The following MPHOSPH6 variants were observed in gnomAD, a reference collection of about 807,000 sequenced individuals.
MPHOSPH6 encodes the protein M-phase phosphoprotein 6.
In MPHOSPH6, 25 loss-of-function variants were observed where a neutral mutation model predicts 21.8. That is an observed-to-expected ratio of 1.15 (90% CI 0.83 to 1.60). MPHOSPH6 has a LOEUF of 1.60. MPHOSPH6 is among the 40% of genes most tolerant of loss of function. The pLI is 0.00. For synonymous variants in MPHOSPH6, 84 were observed against 56.5 expected (o/e 1.49, Z -2.18); for missense variants, 269 against 181.8 (o/e 1.48, Z -2.76).
chr16:82,166,391 C>G (rs1424016026), intron 1 of MPHOSPH6, among the ~76,000 whole-genome samples: 1 of 152,202 alleles, frequency 6.6e-6, no homozygotes. Flanking sequence ...CATTTTCTGC[C>G]TGGCAAAATA....
rs769103436 is a variant in MPHOSPH6 at position 82,170,140 on chromosome 16, A to T, written c.36T>A (p.Asn12Lys). 2 of 1,594,244 alleles carry T rather than the reference A, an allele frequency of 1.3e-6. No homozygotes were observed. The highest frequency in any genetic ancestry group is 2.2e-5 in the South Asian group (2 of 89,022). ...GTCCCCGCACCTTCATGCGCAGTAG[A>T]TTCTTGGACAACCTTGTCTTTCGCT... ...AAERKTRLSK[N>K]LLRMKFMQRG... Residue 12 changes from asparagine to lysine, a missense_variant, in exon 1 of 5, where the codon AAT (asparagine) becomes AAA (lysine). Coordinates refer to ENST00000258169, the MANE Select transcript of MPHOSPH6 (RefSeq NM_005792.2).
At chr16:82,162,753 T>C (rs1906646657) in intron 2 of MPHOSPH6, among the ~76,000 whole-genome samples, 1 of 152,188 alleles carries the variant, frequency 6.6e-6, no homozygotes, top group African/African-American at 2.4e-5. Flanking sequence ...TGAGCTGATA[T>C]ACACACCTAT....
At chr16:82,157,690 C>G (rs550108491) in intron 2 of MPHOSPH6, among the ~76,000 whole-genome samples, 1 of 152,112 alleles carries the variant, frequency 6.6e-6, no homozygotes, top group Non-Finnish European at 1.5e-5. Context: ...AGAGGAGAGG[C>G]GTCTTTTAAA....
intron 2 of MPHOSPH6, among the ~76,000 whole-genome samples, chr16:82,160,925 A>T (rs1567614605): frequency 6.6e-6 from 1 of 151,308 alleles, no homozygotes; most frequent in Non-Finnish European, 1.5e-5. Flanking sequence ...CATCTCACAT[A>T]AGAGGTGCCC....
intron 2 of MPHOSPH6, among the ~76,000 whole-genome samples, chr16:82,155,483 T>C (rs1356888848): frequency 6.6e-6 from 1 of 152,114 alleles, no homozygotes; most frequent in African/African-American, 2.4e-5. Context: ...ACGTACAACC[T>C]TCAATTTCTA....
intron 1 of MPHOSPH6, among the ~76,000 whole-genome samples, chr16:82,168,913 A>T (rs1396444482): frequency 6.6e-6 from 1 of 152,218 alleles, no homozygotes; most frequent in African/African-American, 2.4e-5. Context: ...ATAAAGAGCC[A>T]GGGTTCTGGA....
At position 82,170,135 on chromosome 16, in the gene MPHOSPH6, A is replaced by C. The variant is rs1362339295; in HGVS notation, c.41T>G (p.Leu14Arg). 6.3e-7 allele frequency: 1 copy of C among 1,593,606 alleles called. No individual in the cohort carries two copies. Among genetic ancestry groups the C allele is most frequent in the South Asian group, 1.1e-5 (1 of 88,962 alleles). The change falls in exon 1 of 5, where the codon CTG becomes CGG. Residue 14 changes from leucine to arginine, a missense_variant. Coordinates refer to ENST00000258169, the MANE Select transcript of MPHOSPH6 (RefSeq NM_005792.2). ...ERKTRLSKNL[L>R]RMKFMQRGLD... ...TCAGCGTCCCCGCACCTTCATGCGC[A>C]GTAGATTCTTGGACAACCTTGTCTT...
At chr16:82,159,111 G>GT (rs769807690) in intron 2 of MPHOSPH6, among the ~76,000 whole-genome samples, 1 of 152,194 alleles carries the variant, frequency 6.6e-6, no homozygotes, top group Non-Finnish European at 1.5e-5. Flanking sequence ...CTTTTCAACT[G>GT]TATCACCTGT....
At chr16:82,155,191 G>C (rs905241308) in intron 2 of MPHOSPH6, among the ~76,000 whole-genome samples, 1 of 152,160 alleles carries the variant, frequency 6.6e-6, no homozygotes, top group African/African-American at 2.4e-5. Context: ...GAGTATCTCT[G>C]ACCACTGATC....
At chr16:82,156,855 CAGG>C (rs1021278746) in intron 2 of MPHOSPH6, among the ~76,000 whole-genome samples, 3 of 152,122 alleles carry the variant, frequency 2.0e-5, no homozygotes, top group Non-Finnish European at 2.9e-5. Context: ...CACCTGAGAT[CAGG>C]AGTTCAAGAC....
At chr16:82,166,428 G>T (rs887657182) in intron 1 of MPHOSPH6, among the ~76,000 whole-genome samples, 3 of 152,154 alleles carry the variant, frequency 2.0e-5, no homozygotes. Flanking sequence ...TACAGTGTGT[G>T]TCCTTTGGTA....
At chr16:82,152,451 C>T (rs979381316) in intron 2 of MPHOSPH6, among the ~76,000 whole-genome samples, 2 of 152,198 alleles carry the variant, frequency 1.3e-5, no homozygotes, top group Admixed American at 1.3e-4. Flanking sequence ...TGTAAGAACA[C>T]TGTAGGCTCT....
At chr16:82,158,554 G>A (rs1906506644) in intron 2 of MPHOSPH6, among the ~76,000 whole-genome samples, 1 of 149,314 alleles carries the variant, frequency 6.7e-6, no homozygotes, top group African/African-American at 2.5e-5. Context: ...TAATCTAACT[G>A]CACTTGTGTG....
intron 1 of MPHOSPH6, among the ~76,000 whole-genome samples, chr16:82,168,823 T>A (rs545622329): frequency 9.2e-5 from 14 of 152,294 alleles, no homozygotes; most frequent in Admixed American, 8.5e-4. Context: ...AAATTCCACC[T>A]CTTTAAACAT....
intron 2 of MPHOSPH6, among the ~76,000 whole-genome samples, chr16:82,159,756 A>C (rs74249010): frequency 1.3e-5 from 2 of 151,674 alleles, no homozygotes; most frequent in African/African-American, 2.4e-5. Context: ...GAGTTCCAAA[A>C]CTCTGAGAAC....
At chr16:82,161,182 A>C (rs1567614695) in intron 2 of MPHOSPH6, among the ~76,000 whole-genome samples, 1 of 152,204 alleles carries the variant, frequency 6.6e-6, no homozygotes, top group Admixed American at 6.5e-5. Context: ...TTTGTGAAAT[A>C]AAAGTGTATA....
At chr16:82,161,044 T>C (rs1906591339) in intron 2 of MPHOSPH6, among the ~76,000 whole-genome samples, 1 of 152,200 alleles carries the variant, frequency 6.6e-6, no homozygotes, top group African/African-American at 2.4e-5. Context: ...TCTTCGTTCA[T>C]ACCCCTTGCT....
chr16:82,155,070 T>A (rs542831906), intron 2 of MPHOSPH6, among the ~76,000 whole-genome samples: 2 of 152,230 alleles, frequency 1.3e-5, no homozygotes, highest in Non-Finnish European at 2.9e-5. Flanking sequence ...CAAAAGTCAA[T>A]AGTTTTCAAC....
At chr16:82,154,123 T>TG (rs1015514815) in intron 2 of MPHOSPH6, among the ~76,000 whole-genome samples, 5 of 152,164 alleles carry the variant, frequency 3.3e-5, no homozygotes, top group Admixed American at 1.3e-4. Context: ...CTACCATACC[T>TG]GGGGAAAAAA....
Sources: gnomAD v4.1 joint callset for allele counts (sites outside exome capture counted in the v4.1 genomes callset) on GRCh38, gnomAD v4.1.1 for gene constraint, MANE v1.5 for transcripts, NCBI Gene and HGNC (gene_info 2026-07-23, HGNC 2026-07-21) for gene names.